KIAA0319L: variants seen among roughly 807,000 people sequenced by gnomAD.
The protein encoded by KIAA0319L is KIAA0319 like.
In KIAA0319L, 55 loss-of-function variants were observed where a neutral mutation model predicts 120.1. The ratio of observed to expected loss-of-function variants is 0.46; its 90% confidence interval spans 0.37 to 0.57. The LOEUF (loss-of-function observed/expected upper bound fraction) is 0.57, where lower values mean the gene tolerates loss of function less well. Ranked by LOEUF, KIAA0319L falls within the 20% of genes least tolerant of loss-of-function variation. The probability of loss-of-function intolerance (pLI) is 0.00; values close to 1 mark genes in which losing one functional copy is unlikely to be tolerated. For missense variants in KIAA0319L, 1,049 were observed against 1,255.3 expected, an observed-to-expected ratio of 0.84 and a Z score of 2.48; for synonymous variants, 398 against 471.9, an observed-to-expected ratio of 0.84 and a Z score of 2.03.
intron 2 of KIAA0319L, among the ~76,000 whole-genome samples, chr1:35,528,090 T>C (rs940292905): frequency 6.6e-6 from 1 of 152,142 alleles, no homozygotes; most frequent in East Asian, 1.9e-4. Flanking sequence ...TTTAAGAAAT[T>C]TTTTTTCTTC....
At chr1:35,488,048 C>G (rs1372491868) in intron 3 of KIAA0319L, among the ~76,000 whole-genome samples, 1 of 152,196 alleles carries the variant, frequency 6.6e-6, no homozygotes, top group African/African-American at 2.4e-5. Context: ...GAAAGTAAGG[C>G]TGGAGTTTTC....
intron 3 of KIAA0319L, among the ~76,000 whole-genome samples, chr1:35,481,880 A>G (rs1413329727): frequency 2.4e-5 from 3 of 122,634 alleles, no homozygotes; most frequent in Non-Finnish European, 4.7e-5. Context: ...GCTGGAGTGC[A>G]GTGGCGCGAT....
intron 16 of KIAA0319L, among the ~76,000 whole-genome samples, chr1:35,446,134 ACTATAAT>A (rs565315462): frequency 9.4e-4 from 143 of 152,254 alleles, no homozygotes; most frequent in Non-Finnish European, 1.6e-3. Flanking sequence ...GACCAACTGA[ACTATAAT>A]CTCTGGGGCT....
intron 2 of KIAA0319L, among the ~76,000 whole-genome samples, chr1:35,527,115 A>G (rs888408328): frequency 5.3e-5 from 8 of 151,988 alleles, no homozygotes; most frequent in Non-Finnish European, 7.4e-5. Flanking sequence ...GTTGAATTTT[A>G]TAAGTTGCTT....
rs370997235 is a variant in KIAA0319L at position 35,547,320 on chromosome 1, T to TTA, written c.142+7028_142+7029dup. Among the ~76,000 whole-genome samples, 949 of 148,488 alleles carry TTA rather than the reference T, an allele frequency of 6.4e-3. 1 individual carries two copies. The highest frequency in any genetic ancestry group is 9.4e-3 in the Non-Finnish European group (633 of 67,096). On this transcript the variant is annotated intron_variant, in intron 2 of 20. Transcript: ENST00000325722. The stretch of plus-strand genomic sequence containing the variant: ...AGTGGAGTGGAATTACATATATACA[T>TTA]TATATATATATATACACATGATCCA...
In KIAA0319L at chr1:35,506,325, C is replaced by A. The variant is rs1645201983; in HGVS notation, c.666+287G>T. 6.6e-6 allele frequency among the ~76,000 whole-genome samples: 1 copy of A among 152,200 alleles called. No individual in the cohort carries two copies. Among genetic ancestry groups the A allele is most frequent in the Non-Finnish European group, 1.5e-5 (1 of 68,038 alleles). Reference sequence around the variant, plus strand: ...CAGAATGGTTGGTGAATACTAACAGCCATACAACTGTACTTACCTGTAGCC... The same window carrying A: ...CAGAATGGTTGGTGAATACTAACAGACATACAACTGTACTTACCTGTAGCC... On this transcript the variant is annotated intron_variant, in intron 3 of 20. Coordinates refer to ENST00000325722, the MANE Select transcript of KIAA0319L (RefSeq NM_024874.5). This position sits in a 1 kb window ranked among gnomAD's most constrained non-coding sequence, Gnocchi z 4.0.
intron 1 of KIAA0319L, 73 bp from the exon 2 acceptor site, chr1:35,554,592 G>A: frequency 9.0e-7 from 1 of 1,115,104 alleles, no homozygotes. Context: ...TGGAATGCTA[G>A]AAAATATGAC....
At chr1:35,435,304 C>G (rs1640696421) in intron 20 of KIAA0319L, 2 of 487,582 alleles carry the variant, frequency 4.1e-6, no homozygotes, top group African/African-American at 2.0e-5. Flanking sequence ...TGAGAGCACA[C>G]CTGGGGTCTC....
At chr1:35,551,233 G>A (rs981370644) in intron 2 of KIAA0319L, among the ~76,000 whole-genome samples, 13 of 152,038 alleles carry the variant, frequency 8.6e-5, no homozygotes, top group South Asian at 2.1e-4. Context: ...TTAATCTGTC[G>A]TTTTGATTGG....
chr1:35,552,200 G>T (rs747114951), intron 2 of KIAA0319L, among the ~76,000 whole-genome samples: 3 of 152,160 alleles, frequency 2.0e-5, no homozygotes, highest in Non-Finnish European at 4.4e-5. Flanking sequence ...AAATTAGCTG[G>T]GTGTGGTGGC....
chr1:35,542,546 G>A (rs1013259938), intron 2 of KIAA0319L, among the ~76,000 whole-genome samples: 1 of 152,166 alleles, frequency 6.6e-6, no homozygotes, highest in African/African-American at 2.4e-5. Flanking sequence ...TTGGAAGAAG[G>A]ATCAGAAAGA....
At chr1:35,502,708 T>C (rs921202386) in intron 3 of KIAA0319L, among the ~76,000 whole-genome samples, 2 of 152,140 alleles carry the variant, frequency 1.3e-5, no homozygotes, top group African/African-American at 4.8e-5. Flanking sequence ...CAATTACCCA[T>C]TCCTCTGACA....
chr1:35,537,181 G>C (rs1452976966), intron 2 of KIAA0319L, among the ~76,000 whole-genome samples: 1 of 152,148 alleles, frequency 6.6e-6, no homozygotes, highest in Non-Finnish European at 1.5e-5. Flanking sequence ...ATGATGTCGT[G>C]AATCTACCAA....
intron 3 of KIAA0319L, among the ~76,000 whole-genome samples, chr1:35,504,990 C>A (rs1397328567): frequency 6.6e-6 from 1 of 152,148 alleles, no homozygotes; most frequent in Non-Finnish European, 1.5e-5. Context: ...CTGAAATACT[C>A]TTTTTCCCTG....
rs775373228 is a variant in KIAA0319L, at chr1:35,462,690, T to TG, written c.1224dup (p.Ile409HisfsTer21). 6.2e-7 allele frequency: 1 copy of TG among 1,613,932 alleles called. No individual in the cohort carries two copies. The highest frequency in any genetic ancestry group is 8.5e-7 in the Non-Finnish European group (1 of 1,179,912). On this transcript the variant is annotated frameshift_variant, in exon 8 of 21. Coordinates refer to ENST00000325722, the MANE Select transcript of KIAA0319L (RefSeq NM_024874.5). LOFTEE classifies it high-confidence loss of function. ...TGGAACTGAGGTGACACAATAGCAA[T>TG]GGGGGGCCGATTCTTACGGGGCTCT...
intron 4 of KIAA0319L, 130 bp from the exon 5 acceptor site, chr1:35,475,036 ACTCT>A (rs960318811): frequency 3.4e-6 from 2 of 589,190 alleles, no homozygotes; most frequent in East Asian, 6.3e-5. Flanking sequence ...ACTTTTTTCT[ACTCT>A]CTAATTGCTT....
At chr1:35,494,267 T>G (rs2148362186) in intron 3 of KIAA0319L, among the ~76,000 whole-genome samples, 1 of 151,790 alleles carries the variant, frequency 6.6e-6, no homozygotes, top group Middle Eastern at 3.4e-3. Flanking sequence ...GCCAACATAA[T>G]GAAACCCCAT....
chr1:35,442,811 G>A, intron 18 of KIAA0319L, 95 bp downstream of exon 18: 1 of 1,438,156 alleles, frequency 7.0e-7, no homozygotes, highest in Admixed American at 1.7e-5. Context: ...CTCCTTGCCT[G>A]CTCATCTGCT....
intron 1 of KIAA0319L, among the ~76,000 whole-genome samples, chr1:35,555,839 G>T (rs1028246934): frequency 2.6e-5 from 4 of 152,202 alleles, no homozygotes; most frequent in Non-Finnish European, 5.9e-5. Context: ...AAGCAGAAAA[G>T]AAATGAATAG....
Sources: allele counts gnomAD v4.1 joint callset (sites outside exome capture counted in the v4.1 genomes callset), GRCh38; gene constraint gnomAD v4.1.1; non-coding constraint Gnocchi (gnomAD v3.1); transcripts MANE v1.5; gene names NCBI Gene and HGNC (gene_info 2026-07-23, HGNC 2026-07-21).